The following LRRTM4 variants were observed in gnomAD, a reference collection of about 807,000 sequenced individuals.
The protein encoded by LRRTM4 is leucine-rich repeat transmembrane neuronal protein 4.
Under a neutral mutation model 47.6 loss-of-function variants are expected in LRRTM4, and 25 were observed. The ratio of observed to expected loss-of-function variants is 0.53; its 90% CI spans 0.38 to 0.73. The LOEUF is 0.73. LRRTM4 is among the 30% of genes least tolerant of loss of function. The pLI is 0.00. For missense variants in LRRTM4, 638 were observed against 713.4 expected, an observed-to-expected ratio of 0.89 and a Z score of 1.20; for synonymous variants, 311 against 269.5, an observed-to-expected ratio of 1.15 and a Z score of -1.51.
At chr2:76,849,181 G>C (rs1671921380) in intron 3 of LRRTM4, among the ~76,000 whole-genome samples, 1 of 152,012 alleles carries the variant, frequency 6.6e-6, no homozygotes. Context: ...GAGTAATGTG[G>C]GGGGTGACAG....
At chr2:77,494,469 TCTC>T (rs1387324482) in intron 3 of LRRTM4, among the ~76,000 whole-genome samples, 1 of 151,798 alleles carries the variant, frequency 6.6e-6, no homozygotes, top group Non-Finnish European at 1.5e-5. Context: ...TTTAGATACT[TCTC>T]CTAGGCATTC....
chr2:76,863,256 C>T (rs1672370892), intron 3 of LRRTM4, among the ~76,000 whole-genome samples: 1 of 152,144 alleles, frequency 6.6e-6, no homozygotes. Context: ...AAGTAAGGTA[C>T]TTATGACTGT....
chr2:77,029,464 G>GAGCAGGA (rs1678576544), intron 3 of LRRTM4, among the ~76,000 whole-genome samples: 2 of 150,650 alleles, frequency 1.3e-5, no homozygotes, highest in African/African-American at 5.0e-5. Context: ...TGATGTTCGA[G>GAGCAGGA]AGCAGGAAGC....
At chr2:77,487,442 C>G (rs1161753773) in intron 3 of LRRTM4, among the ~76,000 whole-genome samples, 1 of 152,224 alleles carries the variant, frequency 6.6e-6, no homozygotes. Context: ...TGCTGACACA[C>G]CAGCCCCCTC....
At chr2:76,949,577 T>C (rs757015578) in intron 3 of LRRTM4, among the ~76,000 whole-genome samples, 1 of 151,910 alleles carries the variant, frequency 6.6e-6, no homozygotes, top group Non-Finnish European at 1.5e-5. Context: ...ATGAAAAACG[T>C]GCCAAAAATA....
At chr2:77,106,868 A>AATTCTT (rs1234371909) in intron 3 of LRRTM4, among the ~76,000 whole-genome samples, 10 of 152,132 alleles carry the variant, frequency 6.6e-5, no homozygotes, top group Non-Finnish European at 1.2e-4. Context: ...AGATTACTAA[A>AATTCTT]TCCAGTGATG....
intron 3 of LRRTM4, among the ~76,000 whole-genome samples, chr2:77,312,602 C>T (rs374837316): frequency 2.0e-5 from 3 of 151,974 alleles, no homozygotes; most frequent in Non-Finnish European, 4.4e-5. Context: ...TGCATAATTA[C>T]GTATTTGGTT....
intron 3 of LRRTM4, among the ~76,000 whole-genome samples, chr2:77,155,386 G>A (rs896587649): frequency 1.3e-5 from 2 of 151,646 alleles, no homozygotes; most frequent in East Asian, 1.9e-4. Context: ...TGAAATGATC[G>A]AAATATAAAG....
intron 3 of LRRTM4, among the ~76,000 whole-genome samples, chr2:76,889,783 T>C (rs1054962244): frequency 6.6e-6 from 1 of 151,670 alleles, no homozygotes; most frequent in Non-Finnish European, 1.5e-5. Context: ...TTTTTTCATA[T>C]AGGAGAGGAA....
At chr2:77,316,519 G>T (rs2104213006) in intron 3 of LRRTM4, among the ~76,000 whole-genome samples, 1 of 151,728 alleles carries the variant, frequency 6.6e-6, no homozygotes, top group South Asian at 2.1e-4. Flanking sequence ...TATATACCAG[G>T]GCTGAAAATA....
intron 3 of LRRTM4, among the ~76,000 whole-genome samples, chr2:77,085,844 A>C (rs62170955): frequency 0.12 from 17,573 of 152,152 alleles, 1,267 homozygotes; most frequent in East Asian, 0.16. Context: ...AATGATTTCT[A>C]AGTATTCTCA....
rs1439000273 is a variant in LRRTM4, at chr2:76,947,495, TATAAA to T, written c.1552-198584_1552-198580del. Among the ~76,000 whole-genome samples, 211 of 152,026 alleles carry T rather than the reference TATAAA, an allele frequency of 1.4e-3. 1 individual carries two copies. The highest frequency in any genetic ancestry group is 4.8e-3 in the African/African-American group (201 of 41,542). On this transcript the variant is annotated intron_variant, in intron 3 of 3. Transcript: ENST00000409884. ...GTGAAGCTCTGTTTTATTAATATCA[TATAAA>T]ATAAAATATTTGTGTTATTTAGTGT...
chr2:77,071,077 G>A lies in LRRTM4; in HGVS notation c.1552-322161C>T, dbSNP rs138952965. On this transcript the variant is annotated intron_variant, in intron 3 of 3. Transcript: ENST00000409884. ...ATCTCAGAGATCACACATCCTTTGGGAATAGTACACGTAGGTAAACACAAG... is the reference window on the plus strand; with the variant it reads ...ATCTCAGAGATCACACATCCTTTGGAAATAGTACACGTAGGTAAACACAAG... 1.9e-4 allele frequency among the ~76,000 whole-genome samples: 29 copies of A among 152,032 alleles called. No homozygotes were observed. The South Asian group carries it at 3.7e-3, about 20-fold the overall frequency.
At chr2:77,513,037 C>T (rs1023522152) in intron 3 of LRRTM4, among the ~76,000 whole-genome samples, 3 of 152,226 alleles carry the variant, frequency 2.0e-5, no homozygotes, top group South Asian at 2.1e-4. Flanking sequence ...TTAATTGGAC[C>T]TAATTCAGAC....
intron 3 of LRRTM4, among the ~76,000 whole-genome samples, chr2:77,202,895 C>G (rs1390348622): frequency 6.6e-6 from 1 of 151,986 alleles, no homozygotes; most frequent in Non-Finnish European, 1.5e-5. Flanking sequence ...TGTATGGGAA[C>G]AGGAGGATCA....
At chr2:77,243,763 T>TG (rs1558650077) in intron 3 of LRRTM4, among the ~76,000 whole-genome samples, 1 of 119,494 alleles carries the variant, frequency 8.4e-6, no homozygotes, top group East Asian at 2.1e-4. Flanking sequence ...TCCCTTTTTT[T>TG]TTCTTTTTCC....
At chr2:77,426,333 C>A (rs952615703) in intron 3 of LRRTM4, among the ~76,000 whole-genome samples, 11 of 152,154 alleles carry the variant, frequency 7.2e-5, no homozygotes, top group African/African-American at 1.4e-4. Context: ...CATACATGTA[C>A]CCCCCAGCTT....
intron 3 of LRRTM4, among the ~76,000 whole-genome samples, chr2:77,342,753 G>T (rs1392758021): frequency 6.6e-6 from 1 of 151,814 alleles, no homozygotes; most frequent in South Asian, 2.1e-4. Context: ...CTATACCCAG[G>T]AAATGTAATG....
intron 3 of LRRTM4, among the ~76,000 whole-genome samples, chr2:77,121,396 T>G (rs2103955926): frequency 6.6e-6 from 1 of 151,916 alleles, no homozygotes; most frequent in South Asian, 2.1e-4. Context: ...GGATAAATAG[T>G]GTTGCACTTC....
Sources: gnomAD v4.1 joint callset for allele counts (sites outside exome capture counted in the v4.1 genomes callset) on GRCh38, gnomAD v4.1.1 for gene constraint, MANE v1.5 for transcripts, NCBI Gene and HGNC (gene_info 2026-07-23, HGNC 2026-07-21) for gene names.